The following ZFR variants were observed in gnomAD, a reference collection of about 807,000 sequenced individuals.
ZFR encodes the protein zinc finger RNA-binding protein.
ZFR carries 19 observed loss-of-function variants against 130.7 expected under a neutral mutation model. The ratio of observed to expected loss-of-function variants is 0.15; its 90% CI spans 0.10 to 0.21. ZFR has a LOEUF of 0.21. ZFR is among the 10% of genes least tolerant of loss of function. The probability of loss-of-function intolerance (pLI) is 1.00; values close to 1 mark genes in which losing one functional copy is unlikely to be tolerated. For synonymous variants in ZFR, 466 were observed against 456.9 expected (o/e 1.02, Z -0.25); for missense variants, 872 against 1,321.5 (o/e 0.66, Z 5.27).
chr5:32,365,202 A>G (rs375619706), intron 17 of ZFR, among the ~76,000 whole-genome samples: 17 of 152,338 alleles, frequency 1.1e-4, no homozygotes, highest in African/African-American at 4.1e-4. Flanking sequence ...AGCAATTCAA[A>G]GAAACTAGTT....
chr5:32,393,547 T>G (rs563397507), intron 11 of ZFR, among the ~76,000 whole-genome samples: 13 of 152,308 alleles, frequency 8.5e-5, no homozygotes, highest in African/African-American at 2.9e-4. Context: ...TTCTCCATGT[T>G]GGTCAGGCTG....
Position 32,355,737 on chromosome 5 carries a change from C to A in ZFR, c.*23G>T. ...AACAAATGGGCATCTGTTTTTTTAA[C>A]ACTGAAGATTTACAGACACTTTTTA... On this transcript the variant is annotated 3_prime_UTR_variant, in exon 20 of 20. Transcript: ENST00000265069. 1 of 1,546,260 alleles carries A rather than the reference C, an allele frequency of 6.5e-7. No individual in the cohort carries two copies. Among genetic ancestry groups the A allele is most frequent in the Non-Finnish European group, 8.7e-7 (1 of 1,149,502 alleles).
chr5:32,368,608 A>C (rs1416325643), intron 17 of ZFR, among the ~76,000 whole-genome samples: 6 of 152,216 alleles, frequency 3.9e-5, no homozygotes, highest in Admixed American at 1.3e-4. Context: ...GGCTATTACT[A>C]CATAAGAAAA....
At chr5:32,386,289 G>T (rs1348588634) in intron 14 of ZFR, among the ~76,000 whole-genome samples, 1 of 152,030 alleles carries the variant, frequency 6.6e-6, no homozygotes, top group Admixed American at 6.6e-5. Flanking sequence ...GAAAATAATT[G>T]TACCTAACCT....
intron 15 of ZFR, among the ~76,000 whole-genome samples, chr5:32,380,897 G>C (rs560214512): frequency 2.5e-4 from 38 of 151,214 alleles, no homozygotes; most frequent in African/African-American, 8.7e-4. Context: ...TGATACACCC[G>C]CCTCGGCCTC....
intron 6 of ZFR, 188 bp downstream of exon 6, chr5:32,406,586 T>C: frequency 1.4e-6 from 1 of 734,206 alleles, no homozygotes; most frequent in African/African-American, 1.8e-5. Flanking sequence ...TCATTTACAG[T>C]CACAATCATC....
At position 32,379,214 on chromosome 5, in the gene ZFR, G is replaced by A; in HGVS notation, c.2740-4C>T. The stretch of plus-strand genomic sequence containing the variant: ...ACTGCAGACCATTAGCTCTAGCCTT[G>A]AGAGCAACATAAAAACCAATTGAAT... On this transcript the variant is annotated splice_polypyrimidine_tract_variant and splice_region_variant and intron_variant, in intron 16 of 19. Transcript: ENST00000265069. The A allele has an allele frequency of 1.9e-6, 3 of 1,611,944 alleles. No individual in the cohort carries two copies. The highest frequency in any genetic ancestry group is 2.5e-6 in the Non-Finnish European group (3 of 1,178,168).
chr5:32,368,764 T>A (rs1211200204), intron 17 of ZFR, among the ~76,000 whole-genome samples: 1 of 152,242 alleles, frequency 6.6e-6, no homozygotes, highest in Non-Finnish European at 1.5e-5. Context: ...CGCTAAGTGA[T>A]GCTCTAAGTC....
Position 32,403,285 on chromosome 5 carries a change from G to A in ZFR, c.1337C>T (p.Pro446Leu). Residue 446 changes from proline (P) to leucine (L), a missense_variant, in exon 8 of 20, where the codon CCT becomes CTT. Pro to Leu is a moderately conservative substitution (Grantham distance 98, BLOSUM62 -3). Transcript: ENST00000265069. ...ACAATTGTTTGCTGCAATGCTTGAAGGAGAGGCAGTCGGCTTTGAAGCAGA... is the reference window on the plus strand; with the variant it reads ...ACAATTGTTTGCTGCAATGCTTGAAAGAGAGGCAGTCGGCTTTGAAGCAGA... ...AVSASKPTASPSSIAANNCTV... is the reference protein window; with the variant it reads ...AVSASKPTASLSSIAANNCTV... 1.2e-6 allele frequency: 2 copies of A among 1,614,182 alleles called. No individual in the cohort carries two copies. The highest frequency in any genetic ancestry group is 1.3e-5 in the African/African-American group (1 of 75,048).
chr5:32,398,091 C>A (rs1054728705), intron 9 of ZFR, among the ~76,000 whole-genome samples: 5 of 143,946 alleles, frequency 3.5e-5, no homozygotes, highest in Non-Finnish European at 6.2e-5. Context: ...CTCCTGACCT[C>A]GTGATCCGCC....
chr5:32,409,277 A>G (rs984063756), intron 5 of ZFR, among the ~76,000 whole-genome samples: 13 of 152,238 alleles, frequency 8.5e-5, no homozygotes, highest in African/African-American at 3.1e-4. Context: ...TATAAGTAAA[A>G]TCCACAGCTT....
Position 32,390,279 on chromosome 5 carries a change from G to A in ZFR, c.2138C>T (p.Pro713Leu), listed in dbSNP as rs148850558. 6 of 1,612,336 alleles carry A rather than the reference G, an allele frequency of 3.7e-6. No homozygotes were observed. Among genetic ancestry groups the A allele is most frequent in the Non-Finnish European group, 5.1e-6 (6 of 1,178,710 alleles). The change falls in exon 12 of 20, where the codon CCT (proline) becomes CTT (leucine). Residue 713 changes from proline (P) to leucine (L), a missense_variant. Physicochemically the swap from Pro to Leu is moderately conservative, Grantham distance 98 (BLOSUM62 -3). This residue lies in a region of ZFR where 225 missense variants were observed against 282.4 expected (regional missense o/e 0.80). Coordinates refer to ENST00000265069, the MANE Select transcript of ZFR (RefSeq NM_016107.5). ...ATCACCAACGTGGACACTCACTGCA[G>A]GCCCCTGAGGCTGAGGAGGCATGCC... ...RPGMPPQPQG[P>L]APLRRPDSSD...
At chr5:32,417,573 C>A (rs1753854474) in intron 4 of ZFR, 75 bp downstream of exon 4, 20 of 1,578,422 alleles carry the variant, frequency 1.3e-5, no homozygotes, top group Non-Finnish European at 1.6e-5. Context: ...GACTCAAAAG[C>A]TTATCTTCAT....
At chr5:32,357,525 C>CCG (rs1285196529) in intron 19 of ZFR, among the ~76,000 whole-genome samples, 2 of 152,252 alleles carry the variant, frequency 1.3e-5, no homozygotes. Context: ...CTTGGCCTCC[C>CCG]GAAGTGCTGG....
At chr5:32,393,450 TCTC>T (rs1353972739) in intron 11 of ZFR, among the ~76,000 whole-genome samples, 3 of 152,104 alleles carry the variant, frequency 2.0e-5, no homozygotes, top group African/African-American at 7.2e-5. Context: ...TTCAAGCAAT[TCTC>T]CTGCCTCAGC....
intron 11 of ZFR, among the ~76,000 whole-genome samples, chr5:32,393,674 G>C (rs539075830): frequency 1.3e-5 from 2 of 152,206 alleles, no homozygotes; most frequent in African/African-American, 4.8e-5. Context: ...AGTCTTGACA[G>C]GTATAACCCA....
intron 2 of ZFR, among the ~76,000 whole-genome samples, chr5:32,435,555 T>A (rs1456663304): frequency 1.3e-5 from 2 of 152,114 alleles, no homozygotes; most frequent in African/African-American, 4.8e-5. Flanking sequence ...ATGGGCAGGA[T>A]TGGGGAAGTA....
At chr5:32,381,899 T>A (rs891590922) in intron 15 of ZFR, among the ~76,000 whole-genome samples, 4 of 152,152 alleles carry the variant, frequency 2.6e-5, no homozygotes, top group Admixed American at 6.5e-5. Flanking sequence ...TCAAAACTTA[T>A]AAGACCAACT....
intron 2 of ZFR, among the ~76,000 whole-genome samples, chr5:32,435,010 C>T (rs1337720553): frequency 1.3e-5 from 2 of 152,056 alleles, no homozygotes; most frequent in Non-Finnish European, 2.9e-5. Context: ...CTTGACCTCC[C>T]CAGGCTCCGG....
Sources: gnomAD v4.1 joint callset for allele counts (sites outside exome capture counted in the v4.1 genomes callset) on GRCh38, gnomAD v4.1.1 for gene constraint, gnomAD v4.1.1 regional missense constraint, MANE v1.5 for transcripts, NCBI Gene and HGNC (gene_info 2026-07-23, HGNC 2026-07-21) for gene names.